Variants in DCDC1 observed in about 807,000 individuals in gnomAD.
DCDC1 encodes the protein doublecortin domain-containing protein 1.
A neutral mutation model predicts 178.3 loss-of-function variants in DCDC1; 200 were observed. That is an observed-to-expected ratio of 1.12 (90% confidence interval 1.00 to 1.26). The LOEUF is 1.26. Ranked by LOEUF, DCDC1 falls within the 50% of genes most tolerant of loss-of-function variation. The probability of loss-of-function intolerance (pLI) is 0.00; values close to 1 mark genes in which losing one functional copy is unlikely to be tolerated. For missense variants in DCDC1, 1,983 were observed against 1,749.2 expected (o/e 1.13, Z -2.38); for synonymous variants, 690 against 604.8 (o/e 1.14, Z -2.07).
intron 9 of DCDC1, among the ~76,000 whole-genome samples, chr11:31,150,590 ATCTT>A (rs1318379600): frequency 2.0e-5 from 3 of 151,994 alleles, no homozygotes; most frequent in Non-Finnish European, 2.9e-5. Context: ...CTATCTATCT[ATCTT>A]TCTATCTGTA....
At chr11:31,012,885 G>A (rs1952257737) in intron 20 of DCDC1, among the ~76,000 whole-genome samples, 1 of 152,046 alleles carries the variant, frequency 6.6e-6, no homozygotes, top group Non-Finnish European at 1.5e-5. Context: ...AAATATTAGT[G>A]AATAATAAAC....
intron 9 of DCDC1, among the ~76,000 whole-genome samples, chr11:31,174,108 C>T (rs937583283): frequency 6.6e-6 from 1 of 152,174 alleles, no homozygotes; most frequent in African/African-American, 2.4e-5. Flanking sequence ...CATCCCTGTG[C>T]TCTTGGGAGC....
chr11:31,208,733 C>G (rs1227740126), intron 9 of DCDC1, among the ~76,000 whole-genome samples: 1 of 152,130 alleles, frequency 6.6e-6, no homozygotes, highest in Non-Finnish European at 1.5e-5. Context: ...ATGCACCACT[C>G]TGTCCTACAC....
chr11:31,285,734 T>G (rs1946774635), intron 7 of DCDC1, among the ~76,000 whole-genome samples: 1 of 152,146 alleles, frequency 6.6e-6, no homozygotes, highest in Non-Finnish European at 1.5e-5. Context: ...GACATCCATA[T>G]AGGAGTAATT....
chr11:31,247,708 G>C (rs1481188521), intron 8 of DCDC1, among the ~76,000 whole-genome samples: 1 of 151,828 alleles, frequency 6.6e-6, no homozygotes, highest in African/African-American at 2.4e-5. Flanking sequence ...TACATCCCCA[G>C]TAGCACATTG....
intron 17 of DCDC1, among the ~76,000 whole-genome samples, chr11:31,088,476 T>C (rs1957608025): frequency 6.6e-6 from 1 of 152,142 alleles, no homozygotes; most frequent in South Asian, 2.1e-4. Flanking sequence ...ACTATTTTAA[T>C]GATTGCTTTG....
At chr11:31,075,183 G>A (rs532008233) in intron 18 of DCDC1, among the ~76,000 whole-genome samples, 61 of 152,064 alleles carry the variant, frequency 4.0e-4, no homozygotes, top group Admixed American at 8.5e-4. Flanking sequence ...TCACTTAATG[G>A]TCTCTGTCAG....
intron 20 of DCDC1, among the ~76,000 whole-genome samples, chr11:30,967,860 A>G (rs1186122221): frequency 2.0e-5 from 3 of 152,212 alleles, no homozygotes; most frequent in East Asian, 3.9e-4. Flanking sequence ...TGAAAAACAA[A>G]GAAAAACACC....
intron 21 of DCDC1, among the ~76,000 whole-genome samples, chr11:30,945,766 A>G (rs189350926): frequency 1.9e-3 from 282 of 151,942 alleles, no homozygotes; most frequent in Non-Finnish European, 3.1e-3. Context: ...CTGTCTATCT[A>G]TCTATAGATA....
intron 8 of DCDC1, among the ~76,000 whole-genome samples, chr11:31,251,771 T>C (rs1391127101): frequency 6.6e-6 from 1 of 151,988 alleles, no homozygotes; most frequent in Non-Finnish European, 1.5e-5. Flanking sequence ...GACCTTAACA[T>C]AAGTAGGCAA....
chr11:31,147,821 T>C (rs1188499052), intron 9 of DCDC1, among the ~76,000 whole-genome samples: 2 of 152,200 alleles, frequency 1.3e-5, no homozygotes, highest in Non-Finnish European at 2.9e-5. Flanking sequence ...AGAAAGAGTC[T>C]GTAGAGAGTG....
rs750331273 is a variant in DCDC1, at chr11:30,899,616, T to G, written c.4690A>C (p.Lys1564Gln). 6.4e-7 allele frequency: 1 copy of G among 1,570,662 alleles called. No homozygotes were observed. Among genetic ancestry groups the G allele is most frequent in the South Asian group, 1.2e-5 (1 of 82,818 alleles). Residue 1564 changes from lysine (K) to glutamine (Q), a missense_variant, in exon 34 of 39, where the codon AAA becomes CAA. By Grantham distance (53) the Lys-to-Gln change is moderately conservative (BLOSUM62 1). Transcript: ENST00000684477. ...NALQKAEKLE[K>Q]QNWLKKDRIL... is the part of the protein sequence containing the mutation. ...CTGTCCTTTTTTAGCCAGTTCTGTT[T>G]CTCTAATTTTTCTGCTTTCTGCAAA...
intron 20 of DCDC1, among the ~76,000 whole-genome samples, chr11:31,017,605 A>G (rs930299143): frequency 6.7e-6 from 1 of 150,066 alleles, no homozygotes; most frequent in Non-Finnish European, 1.5e-5. Context: ...TTTTTGAGAC[A>G]GTCTTGCTCT....
rs1245818476 is a variant in DCDC1, at chr11:30,906,474, A to C, written c.4104+66T>G. 2.7e-6 allele frequency: 4 copies of C among 1,492,286 alleles called. No individual in the cohort carries two copies. In the African/African-American group the frequency reaches 4.2e-5, roughly 16 times the overall value. 92.4% of individuals were successfully genotyped at this position (1,492,286 alleles called of 1,614,324 possible). A position where few individuals can be genotyped will look rare whatever the true frequency, so the allele number is the denominator to read the frequency against. ...GATGAACTTGAGTGCAAGGCAGATA[A>C]TGAATGCATCAAAGTTTCCAAATTG... On this transcript the variant is annotated intron_variant, in intron 30 of 38. Transcript: ENST00000684477.
chr11:31,216,275 A>C (rs145305020), intron 9 of DCDC1, among the ~76,000 whole-genome samples: 1 of 152,310 alleles, frequency 6.6e-6, no homozygotes, highest in African/African-American at 2.4e-5. Flanking sequence ...AGAGGATTAG[A>C]TATACACAGA....
At chr11:31,236,136 T>A (rs1004352244) in intron 9 of DCDC1, among the ~76,000 whole-genome samples, 1 of 151,894 alleles carries the variant, frequency 6.6e-6, no homozygotes, top group African/African-American at 2.4e-5. Context: ...AAGATAAATA[T>A]GTCATGGATA....
chr11:31,179,428 G>A (rs566636401), intron 9 of DCDC1, among the ~76,000 whole-genome samples: 20 of 152,140 alleles, frequency 1.3e-4, no homozygotes, highest in Middle Eastern at 6.8e-3. Flanking sequence ...CAACCTAAGC[G>A]TCCAACAACA....
At chr11:31,149,920 AC>A (rs1289719371) in intron 9 of DCDC1, among the ~76,000 whole-genome samples, 2 of 152,168 alleles carry the variant, frequency 1.3e-5, no homozygotes, top group African/African-American at 4.8e-5. Flanking sequence ...AAGACCAAGA[AC>A]CCACCCGAAG....
intron 11 of DCDC1, among the ~76,000 whole-genome samples, chr11:31,114,341 C>T (rs1959527237): frequency 6.6e-6 from 1 of 152,082 alleles, no homozygotes; most frequent in Non-Finnish European, 1.5e-5. Flanking sequence ...AGGCATTATG[C>T]AGGGAAGGGG....
Sources: allele counts gnomAD v4.1 joint callset (sites outside exome capture counted in the v4.1 genomes callset), GRCh38; gene constraint gnomAD v4.1.1; transcripts MANE v1.5; gene names NCBI Gene and HGNC (gene_info 2026-07-23, HGNC 2026-07-21).